SOX5: variants seen among roughly 807,000 people sequenced by gnomAD.
SOX5 encodes transcription factor SOX-5.
SOX5 carries 9 observed loss-of-function variants against 92.0 expected under a neutral mutation model. That is an observed-to-expected ratio of 0.10 (90% CI 0.06 to 0.17). SOX5 has a LOEUF of 0.17. Among genes scored for constraint, SOX5 ranks in the 10% least tolerant of loss-of-function variants. SOX5 has a pLI of 1.00. For missense variants in SOX5, 642 were observed against 944.5 expected, an observed-to-expected ratio of 0.68 and a Z score of 4.20; for synonymous variants, 344 against 336.3, an observed-to-expected ratio of 1.02 and a Z score of -0.25.
At chr12:23,579,713 G>A (rs1197109104) in intron 9 of SOX5, among the ~76,000 whole-genome samples, 3 of 151,916 alleles carry the variant, frequency 2.0e-5, no homozygotes, top group Non-Finnish European at 2.9e-5. Context: ...TTTTATGTAG[G>A]AGAAATTCAA....
intron 6 of SOX5, among the ~76,000 whole-genome samples, chr12:23,721,130 G>A (rs569159805): frequency 2.6e-5 from 4 of 152,076 alleles, no homozygotes; most frequent in Admixed American, 1.3e-4. Context: ...TTGTTGCCCA[G>A]GCTGGAGTGC....
chr12:23,615,900 A>G (rs372201276), intron 8 of SOX5, among the ~76,000 whole-genome samples: 18 of 152,240 alleles, frequency 1.2e-4, no homozygotes, highest in East Asian at 3.8e-4. Context: ...GCAAGAGTCC[A>G]GTTTAATAGT....
intron 3 of SOX5, among the ~76,000 whole-genome samples, chr12:23,777,940 A>C (rs768622454): frequency 5.9e-5 from 9 of 152,214 alleles, no homozygotes; most frequent in Non-Finnish European, 1.2e-4. Flanking sequence ...CACTGTGCCA[A>C]GAGTGGGTTT....
chr12:23,735,890 G>T (rs11830195), intron 5 of SOX5, among the ~76,000 whole-genome samples: 11,718 of 152,092 alleles, frequency 0.077, 1,514 homozygotes, highest in African/African-American at 0.27. Context: ...TTATTTGCTA[G>T]TAACATCTTT....
At chr12:24,261,734 C>T (rs1446088226) in intron 3 of SOX5, among the ~76,000 whole-genome samples, 1 of 152,158 alleles carries the variant, frequency 6.6e-6, no homozygotes, top group African/African-American at 2.4e-5. Flanking sequence ...GTCTCTGCAC[C>T]TTTGTGCATC....
At chr12:24,497,646 C>T (rs895573087) in intron 1 of SOX5, among the ~76,000 whole-genome samples, 1 of 152,100 alleles carries the variant, frequency 6.6e-6, no homozygotes, top group African/African-American at 2.4e-5. Context: ...TGTGGTGATT[C>T]CTCAAAGATC....
chr12:23,553,703 C>T (rs1944635205), intron 11 of SOX5, among the ~76,000 whole-genome samples: 2 of 151,942 alleles, frequency 1.3e-5, no homozygotes, highest in East Asian at 1.9e-4. Flanking sequence ...AATCAGGAGG[C>T]CAACTAAGAA....
intron 9 of SOX5, among the ~76,000 whole-genome samples, chr12:23,585,007 A>G (rs148347139): frequency 6.6e-6 from 1 of 152,258 alleles, no homozygotes; most frequent in East Asian, 1.9e-4. Context: ...TTTACTAGAT[A>G]CTATTAACTA....
intron 1 of SOX5, among the ~76,000 whole-genome samples, chr12:24,538,333 T>C (rs1414927143): frequency 6.6e-6 from 1 of 152,068 alleles, no homozygotes; most frequent in Non-Finnish European, 1.5e-5. Flanking sequence ...AACATGAGAC[T>C]CTTAAAAAAA....
At chr12:24,448,393 A>G (rs1290483340) in intron 1 of SOX5, among the ~76,000 whole-genome samples, 1 of 152,120 alleles carries the variant, frequency 6.6e-6, no homozygotes, top group South Asian at 2.1e-4. Context: ...ATCCATTCAC[A>G]AAAAGGAAGA....
chr12:24,482,473 C>T (rs1247185051), intron 1 of SOX5, among the ~76,000 whole-genome samples: 4 of 152,150 alleles, frequency 2.6e-5, no homozygotes, highest in African/African-American at 7.2e-5. Context: ...ATCACTATTA[C>T]CCATTATCAA....
chr12:24,275,533 G>C (rs1944336183), intron 3 of SOX5, among the ~76,000 whole-genome samples: 1 of 151,826 alleles, frequency 6.6e-6, no homozygotes, highest in South Asian at 2.1e-4. Context: ...ATTTCATTCT[G>C]GTTGCAGGAT....
intron 4 of SOX5, among the ~76,000 whole-genome samples, chr12:24,070,346 G>A (rs574173391): frequency 1.2e-4 from 19 of 152,098 alleles, no homozygotes; most frequent in Non-Finnish European, 4.4e-5. Context: ...GGACTGATCA[G>A]GCCCTTTGAT....
At chr12:24,055,506 T>G (rs975351287) in intron 4 of SOX5, among the ~76,000 whole-genome samples, 5 of 152,184 alleles carry the variant, frequency 3.3e-5, no homozygotes, top group African/African-American at 7.2e-5. Context: ...CCACCCTGAG[T>G]GGTATAGACC....
chr12:24,074,276 C>T (rs796610727), intron 4 of SOX5, among the ~76,000 whole-genome samples: 1 of 152,032 alleles, frequency 6.6e-6, no homozygotes, highest in South Asian at 2.1e-4. Context: ...TGCATTTTCT[C>T]TAGACCACAA....
chr12:23,780,703 G>A (rs1301593741), intron 3 of SOX5, among the ~76,000 whole-genome samples: 1 of 151,972 alleles, frequency 6.6e-6, no homozygotes, highest in Non-Finnish European at 1.5e-5. Context: ...TGAATATGGA[G>A]CAATTAATTT....
At chr12:24,279,336 A>T (rs1944889704) in intron 2 of SOX5, among the ~76,000 whole-genome samples, 1 of 152,108 alleles carries the variant, frequency 6.6e-6, no homozygotes, top group South Asian at 2.1e-4. Flanking sequence ...GGTGGTAGTA[A>T]CATTAGGTGT....
chr12:23,873,800 T>C (rs1028710390), intron 2 of SOX5, among the ~76,000 whole-genome samples: 5 of 152,178 alleles, frequency 3.3e-5, no homozygotes, highest in African/African-American at 7.2e-5. Context: ...ATGTGAATGA[T>C]TGTTGTTTAA....
At chr12:23,958,762 C>G (rs1239382470) in intron 4 of SOX5, among the ~76,000 whole-genome samples, 2 of 150,576 alleles carry the variant, frequency 1.3e-5, no homozygotes, top group African/African-American at 4.9e-5. Flanking sequence ...AGATGACCAA[C>G]TTCTAAACTT....
Sources: allele counts gnomAD v4.1 joint callset (sites outside exome capture counted in the v4.1 genomes callset), GRCh38; gene constraint gnomAD v4.1.1; transcripts MANE v1.5; gene names NCBI Gene and HGNC (gene_info 2026-07-23, HGNC 2026-07-21).